The following FRMD5 variants were observed in gnomAD, a reference collection of about 807,000 sequenced individuals.
The protein encoded by FRMD5 is FERM domain-containing protein 5.
In FRMD5, 20 loss-of-function variants were observed where a neutral mutation model predicts 69.0. That is an observed-to-expected ratio of 0.29 (90% CI 0.20 to 0.42). The LOEUF (loss-of-function observed/expected upper bound fraction) is 0.42, where lower values mean the gene tolerates loss of function less well. Ranked by LOEUF, FRMD5 falls within the 10% of genes least tolerant of loss-of-function variation. The pLI, the probability that FRMD5 is intolerant of heterozygous loss-of-function variation, is 1.00. For synonymous variants in FRMD5, 271 were observed against 260.1 expected (o/e 1.04, Z -0.40); for missense variants, 595 against 708.6 (o/e 0.84, Z 1.82).
chr15:43,880,920 A>C (rs1286334189), intron 13 of FRMD5, among the ~76,000 whole-genome samples: 2 of 152,182 alleles, frequency 1.3e-5, no homozygotes, highest in Non-Finnish European at 2.9e-5. Context: ...CTGGAGGTAA[A>C]GCCAGAGCTG....
chr15:43,930,972 T>A (rs985745542), intron 1 of FRMD5, among the ~76,000 whole-genome samples: 1 of 152,224 alleles, frequency 6.6e-6, no homozygotes, highest in Admixed American at 6.5e-5. Context: ...CCTGCTGTTG[T>A]ACAGCTTGTA....
intron 1 of FRMD5, among the ~76,000 whole-genome samples, chr15:44,102,733 T>C (rs1277880814): frequency 6.6e-6 from 1 of 152,170 alleles, no homozygotes; most frequent in Admixed American, 6.5e-5. Flanking sequence ...CCCAAACCAC[T>C]AACCAAATGG....
At chr15:43,897,200 G>C (rs1200611954) in intron 7 of FRMD5, among the ~76,000 whole-genome samples, 1 of 152,092 alleles carries the variant, frequency 6.6e-6, no homozygotes, top group African/African-American at 2.4e-5. Context: ...TCTCAGAAGT[G>C]AGGGGTGCTG....
chr15:44,155,716 C>A (rs1483154663), intron 1 of FRMD5, among the ~76,000 whole-genome samples: 1 of 151,676 alleles, frequency 6.6e-6, no homozygotes, highest in African/African-American at 2.4e-5. Context: ...GCCTCAGCCT[C>A]CCGAGTAGCT....
intron 1 of FRMD5, among the ~76,000 whole-genome samples, chr15:44,149,673 A>G (rs1566971788): frequency 1.3e-5 from 2 of 152,152 alleles, no homozygotes; most frequent in Non-Finnish European, 1.5e-5. Flanking sequence ...AGGACAATAT[A>G]TATTAAATAT....
At chr15:44,119,397 A>T (rs2076915229) in intron 1 of FRMD5, among the ~76,000 whole-genome samples, 1 of 152,226 alleles carries the variant, frequency 6.6e-6, no homozygotes, top group Non-Finnish European at 1.5e-5. Flanking sequence ...CGAGACGTAC[A>T]GTGACACTAC....
Position 43,874,111 on chromosome 15 carries a change from T to G in FRMD5, c.1487A>C (p.Lys496Thr). Reference sequence around the variant, plus strand: ...CAAACGGAGGACACTTAGAACAAACTTATTCACCTGTTCCTCCTCGGGCCC... The same window carrying G: ...CAAACGGAGGACACTTAGAACAAACGTATTCACCTGTTCCTCCTCGGGCCC... ...HSGPEEEQVN[K>T]FVLSVLRLLL... is the part of the protein sequence containing the mutation. Residue 496 changes from lysine to threonine, a missense_variant, in exon 14 of 14, where the codon AAG becomes ACG. Physicochemically the swap from Lys to Thr is moderately conservative, Grantham distance 78 (BLOSUM62 -1). This residue lies in a region of FRMD5 where 245 missense variants were observed against 227.1 expected (regional missense o/e 1.08). Transcript: ENST00000417257. The G allele has an allele frequency of 6.2e-7, 1 of 1,614,166 alleles. No homozygotes were observed. Among genetic ancestry groups the G allele is most frequent in the Non-Finnish European group, 8.5e-7 (1 of 1,180,020 alleles).
chr15:44,017,107 G>A (rs1303323356), intron 1 of FRMD5, among the ~76,000 whole-genome samples: 1 of 152,038 alleles, frequency 6.6e-6, no homozygotes, highest in African/African-American at 2.4e-5. Flanking sequence ...GGGAGGCTGA[G>A]GCAGGCAGAT....
At chr15:44,095,938 G>A (rs780708030) in intron 1 of FRMD5, among the ~76,000 whole-genome samples, 10 of 152,108 alleles carry the variant, frequency 6.6e-5, no homozygotes, top group Admixed American at 2.0e-4. Flanking sequence ...CGGGTGCGGC[G>A]GCTCACGCCT....
chr15:44,042,189 G>T (rs1892226515), intron 1 of FRMD5, among the ~76,000 whole-genome samples: 2 of 152,136 alleles, frequency 1.3e-5, no homozygotes, highest in Non-Finnish European at 2.9e-5. Flanking sequence ...TAGAAGAAAT[G>T]GATAAATTCC....
At chr15:44,086,601 G>A (rs1894206251) in intron 1 of FRMD5, among the ~76,000 whole-genome samples, 1 of 152,136 alleles carries the variant, frequency 6.6e-6, no homozygotes, top group Admixed American at 6.6e-5. Flanking sequence ...CTTTTGGGGT[G>A]ATGAAAGTAT....
intron 13 of FRMD5, chr15:43,879,591 C>T (rs1239002699): frequency 2.5e-6 from 1 of 398,948 alleles, no homozygotes; most frequent in Non-Finnish European, 4.4e-6. Flanking sequence ...GATGCGCACA[C>T]TTAGGGGCCG....
chr15:43,914,198 C>T (rs541284348), intron 4 of FRMD5, among the ~76,000 whole-genome samples: 2 of 152,232 alleles, frequency 1.3e-5, no homozygotes, highest in South Asian at 4.2e-4. Flanking sequence ...GAAATGAGTC[C>T]ACAGGCATTT....
intron 1 of FRMD5, among the ~76,000 whole-genome samples, chr15:44,172,398 G>A (rs1462844506): frequency 1.3e-5 from 2 of 150,372 alleles, no homozygotes; most frequent in Admixed American, 6.6e-5. Flanking sequence ...GGGTTCAGGT[G>A]TGAGCCACCA....
In FRMD5 at chr15:43,873,383, C is replaced by T; in HGVS notation, c.*502G>A. On this transcript the variant is annotated 3_prime_UTR_variant, in exon 14 of 14. Coordinates refer to ENST00000417257, the MANE Select transcript of FRMD5 (RefSeq NM_032892.5). ...ACTAAACAGTCCCCATTGTCCAGAT[C>T]CCTGGCCTGCCCTGCTGAGGCTGCA... 6.9e-7 allele frequency: 1 copy of T among 1,445,020 alleles called. No homozygotes were observed. Among genetic ancestry groups the T allele is most frequent in the South Asian group, 1.5e-5 (1 of 67,352 alleles). 89.5% of individuals were successfully genotyped at this position (1,445,020 alleles called of 1,614,324 possible).
At chr15:44,033,933 T>C (rs191140659) in intron 1 of FRMD5, among the ~76,000 whole-genome samples, 256 of 152,288 alleles carry the variant, frequency 1.7e-3, no homozygotes, top group African/African-American at 5.0e-3. Flanking sequence ...TAAAAGGTGA[T>C]TAGGATTCGC....
At position 44,086,075 on chromosome 15, in the gene FRMD5, CAG is replaced by C. The variant is rs1272767592; in HGVS notation, c.102+108876_102+108877del. Among the ~76,000 whole-genome samples the C allele has an allele frequency of 3.9e-5, 6 of 152,026 alleles. No individual in the cohort carries two copies. The South Asian group carries it at 1.0e-3, about 26-fold the overall frequency. On this transcript the variant is annotated intron_variant, in intron 1 of 13. Coordinates refer to ENST00000417257, the MANE Select transcript of FRMD5 (RefSeq NM_032892.5). ...CTGAAGACTGCAGGAATGAGAGAAA[CAG>C]AGGTGTTTAATAATGATACAAGCAA... is the stretch of plus-strand genomic sequence containing the variant.
chr15:44,052,481 T>C lies in FRMD5; in HGVS notation c.103-128172A>G, dbSNP rs555453265. Reference sequence around the variant, plus strand: ...ATGGTATTCGAATCTAAGAGCCAAGTGCAAGGTGTACTTGTTACTAGTTGG... The same window carrying C: ...ATGGTATTCGAATCTAAGAGCCAAGCGCAAGGTGTACTTGTTACTAGTTGG... On this transcript the variant is annotated intron_variant, in intron 1 of 13. Transcript: ENST00000417257. Among the ~76,000 whole-genome samples the C allele has an allele frequency of 2.6e-5, 4 of 152,312 alleles. No homozygotes were observed. The East Asian group carries it at 5.8e-4, about 22-fold the overall frequency.
intron 10 of FRMD5, among the ~76,000 whole-genome samples, chr15:43,886,995 A>C (rs1039719122): frequency 2.0e-5 from 3 of 152,236 alleles, no homozygotes; most frequent in African/African-American, 7.2e-5. Context: ...GGGAAGACTC[A>C]GAAACTGAGT....
Sources: allele counts gnomAD v4.1 joint callset (sites outside exome capture counted in the v4.1 genomes callset), GRCh38; gene constraint gnomAD v4.1.1; regional missense constraint gnomAD v4.1.1; transcripts MANE v1.5; gene names NCBI Gene and HGNC (gene_info 2026-07-23, HGNC 2026-07-21).